Variants in STAG1 observed in about 807,000 individuals in gnomAD.
STAG1 encodes STAG1 cohesin complex component, also known as cohesin subunit SA-1.
STAG1 carries 26 observed loss-of-function variants against 170.9 expected under a neutral mutation model. The ratio of observed to expected loss-of-function variants is 0.15; its 90% confidence interval spans 0.11 to 0.21. The LOEUF (loss-of-function observed/expected upper bound fraction) is 0.21, where lower values mean the gene tolerates loss of function less well. STAG1 is among the 10% of genes least tolerant of loss of function. The probability of loss-of-function intolerance (pLI) is 1.00; values close to 1 mark genes in which losing one functional copy is unlikely to be tolerated. For synonymous variants in STAG1, 514 were observed against 497.7 expected (o/e 1.03, Z -0.44); for missense variants, 964 against 1,509.5 (o/e 0.64, Z 5.99).
chr3:136,407,941 C>T (rs2087529141), intron 21 of STAG1, among the ~76,000 whole-genome samples: 1 of 151,038 alleles, frequency 6.6e-6, no homozygotes, highest in Non-Finnish European at 1.5e-5. Flanking sequence ...AAATATCCAA[C>T]AGTATAACTG....
chr3:136,497,216 T>C (rs780783264), intron 9 of STAG1, among the ~76,000 whole-genome samples: 2 of 151,764 alleles, frequency 1.3e-5, no homozygotes, highest in Non-Finnish European at 2.9e-5. Flanking sequence ...GAAGAGAGAA[T>C]ACACTGTAAC....
chr3:136,662,695 T>C (rs1439023834), intron 1 of STAG1, among the ~76,000 whole-genome samples: 1 of 152,086 alleles, frequency 6.6e-6, no homozygotes, highest in Non-Finnish European at 1.5e-5. Context: ...GTCCCCTGCC[T>C]CAGCCCCCCA....
chr3:136,714,167 G>A (rs966844074), intron 1 of STAG1, among the ~76,000 whole-genome samples: 19 of 152,142 alleles, frequency 1.2e-4, no homozygotes, highest in African/African-American at 3.9e-4. Context: ...AACAGAGCCT[G>A]CACTCCCGTC....
chr3:136,668,333 T>C (rs1941868754), intron 1 of STAG1, among the ~76,000 whole-genome samples: 1 of 146,366 alleles, frequency 6.8e-6, no homozygotes, highest in South Asian at 2.1e-4. Flanking sequence ...ATACATGATA[T>C]ATACCATATA....
intron 29 of STAG1, among the ~76,000 whole-genome samples, chr3:136,346,829 T>C (rs1444932017): frequency 6.6e-6 from 1 of 152,256 alleles, no homozygotes; most frequent in Non-Finnish European, 1.5e-5. Flanking sequence ...CTAGGCGCAA[T>C]GGCTCATGCC....
chr3:136,595,987 T>C (rs1576646597), intron 4 of STAG1, among the ~76,000 whole-genome samples: 2 of 152,342 alleles, frequency 1.3e-5, no homozygotes, highest in Middle Eastern at 3.4e-3. Flanking sequence ...TAACAGATTT[T>C]ATCTTTGCAT....
chr3:136,514,773 G>A (rs1934262613), intron 7 of STAG1, among the ~76,000 whole-genome samples: 1 of 152,166 alleles, frequency 6.6e-6, no homozygotes, highest in African/African-American at 2.4e-5. Flanking sequence ...GGGCATGGAT[G>A]CAGCTGGAAA....
At chr3:136,507,139 T>C (rs747761660) in intron 7 of STAG1, among the ~76,000 whole-genome samples, 2 of 152,220 alleles carry the variant, frequency 1.3e-5, no homozygotes, top group Admixed American at 6.5e-5. Context: ...GATGGTTACA[T>C]AGCAATTGGT....
intron 22 of STAG1, among the ~76,000 whole-genome samples, chr3:136,388,984 T>C (rs1347079564): frequency 1.3e-5 from 2 of 152,022 alleles, no homozygotes; most frequent in Admixed American, 6.6e-5. Flanking sequence ...AAAATAGAGA[T>C]GGGATCTCAC....
At chr3:136,484,860 C>A (rs1275767494) in intron 9 of STAG1, among the ~76,000 whole-genome samples, 36 of 151,868 alleles carry the variant, frequency 2.4e-4, no homozygotes, top group Non-Finnish European at 4.1e-4. Context: ...TCTGTCACCC[C>A]TTTCTTTGAC....
chr3:136,570,662 C>A (rs1937241069), intron 4 of STAG1, among the ~76,000 whole-genome samples: 1 of 152,196 alleles, frequency 6.6e-6, no homozygotes, highest in Admixed American at 6.5e-5. Flanking sequence ...TGTATGACAT[C>A]CAGCAAGATG....
chr3:136,521,074 T>C lies in STAG1; in HGVS notation c.676+139A>G, dbSNP rs187779307. ...CAAATGCCAGTTATGAAAACAGGCATAAATTTTAACAAAAACTATTCAAAT... is the reference window on the plus strand; with the variant it reads ...CAAATGCCAGTTATGAAAACAGGCACAAATTTTAACAAAAACTATTCAAAT... On this transcript the variant is annotated intron_variant, in intron 7 of 33. Coordinates refer to ENST00000383202, the MANE Select transcript of STAG1 (RefSeq NM_005862.3). 40 of 776,228 alleles carry C rather than the reference T, an allele frequency of 5.2e-5. No individual in the cohort carries two copies. In the African/African-American group the frequency reaches 6.7e-4, roughly 13 times the overall value. 48.1% of individuals were successfully genotyped at this position (776,228 alleles called of 1,614,324 possible). A position where few individuals can be genotyped will look rare whatever the true frequency, so the allele number is the denominator to read the frequency against.
At chr3:136,581,609 T>C (rs1937591725) in intron 4 of STAG1, among the ~76,000 whole-genome samples, 1 of 152,210 alleles carries the variant, frequency 6.6e-6, no homozygotes, top group Non-Finnish European at 1.5e-5. Context: ...AGCTATTTGG[T>C]TACATTTATA....
chr3:136,437,358 A>G (rs1447503064), intron 15 of STAG1, among the ~76,000 whole-genome samples: 1 of 151,684 alleles, frequency 6.6e-6, no homozygotes, highest in African/African-American at 2.4e-5. Flanking sequence ...CTTTTGGGAT[A>G]TGACAGCAAA....
chr3:136,468,088 T>A (rs1426232099), intron 12 of STAG1, among the ~76,000 whole-genome samples: 2 of 151,860 alleles, frequency 1.3e-5, no homozygotes, highest in African/African-American at 2.4e-5. Context: ...AACATCACAA[T>A]CGAAAGAACT....
At chr3:136,343,439 T>A (rs1332207586) in intron 30 of STAG1, among the ~76,000 whole-genome samples, 2 of 152,218 alleles carry the variant, frequency 1.3e-5, no homozygotes, top group African/African-American at 4.8e-5. Context: ...ATTAAATGGA[T>A]GATAAAGCTA....
chr3:136,663,334 A>G lies in STAG1; in HGVS notation c.-83-32353T>C, dbSNP rs574085775. On this transcript the variant is annotated intron_variant, in intron 1 of 33. Transcript: ENST00000383202. ...CTCTCACAACAACCCTATGAAGTAG[A>G]TATTACTATTCCTACTTTAGAATAA... 2.1e-4 allele frequency among the ~76,000 whole-genome samples: 32 copies of G among 152,328 alleles called. No individual in the cohort carries two copies. In the South Asian group the frequency reaches 6.6e-3, roughly 32 times the overall value.
At chr3:136,588,320 T>C (rs1012794091) in intron 4 of STAG1, among the ~76,000 whole-genome samples, 1 of 152,098 alleles carries the variant, frequency 6.6e-6, no homozygotes, top group Admixed American at 6.6e-5. Context: ...TTGGGTTTTT[T>C]CTGTTGTTGT....
chr3:136,642,261 TTTC>T (rs1391084216), intron 1 of STAG1, among the ~76,000 whole-genome samples: 10 of 125,010 alleles, frequency 8.0e-5, no homozygotes, highest in South Asian at 2.5e-4. Flanking sequence ...ACAGACAGAA[TTTC>T]TTTTTTTTTT....
Sources: gnomAD v4.1 joint callset for allele counts (sites outside exome capture counted in the v4.1 genomes callset) on GRCh38, gnomAD v4.1.1 for gene constraint, MANE v1.5 for transcripts, NCBI Gene and HGNC (gene_info 2026-07-23, HGNC 2026-07-21) for gene names.